The following CHD9 variants were observed in gnomAD, a reference collection of about 807,000 sequenced individuals.
CHD9 encodes the protein ATP-dependent chromatin remodeler CHD9.
In CHD9, 77 loss-of-function variants were observed where a neutral mutation model predicts 316.1. The ratio of observed to expected loss-of-function variants is 0.24; its 90% CI spans 0.20 to 0.29. The LOEUF (loss-of-function observed/expected upper bound fraction) is 0.29. Among genes scored for constraint, CHD9 ranks in the 10% least tolerant of loss-of-function variants. CHD9 has a pLI of 1.00. For synonymous variants in CHD9, 1,129 were observed against 1,158.3 expected, an observed-to-expected ratio of 0.97 and a Z score of 0.51; for missense variants, 2,763 against 3,438.1, an observed-to-expected ratio of 0.80 and a Z score of 4.91.
intron 1 of CHD9, among the ~76,000 whole-genome samples, chr16:53,140,167 A>G (rs1176812719): frequency 6.6e-6 from 1 of 151,906 alleles, no homozygotes; most frequent in African/African-American, 2.4e-5. Context: ...CATTAGAATA[A>G]ATATTTAGGC....
chr16:53,057,140 A>G (rs1210803591), intron 1 of CHD9, among the ~76,000 whole-genome samples: 1 of 152,050 alleles, frequency 6.6e-6, no homozygotes, highest in Non-Finnish European at 1.5e-5. Context: ...GTAAGACCCT[A>G]TATCTTTATT....
At chr16:53,219,029 G>A (rs188753849) in intron 3 of CHD9, among the ~76,000 whole-genome samples, 23 of 152,248 alleles carry the variant, frequency 1.5e-4, no homozygotes, top group African/African-American at 5.5e-4. Flanking sequence ...GAGGCGGTTC[G>A]TACTGGGAGA....
At chr16:53,261,189 AAC>A (rs932050368) in intron 19 of CHD9, among the ~76,000 whole-genome samples, 30 of 151,992 alleles carry the variant, frequency 2.0e-4, no homozygotes, top group African/African-American at 7.2e-4. Flanking sequence ...TACATTTTGA[AAC>A]ACAGTATTTA....
At chr16:53,309,615 A>G (rs2056291170) in intron 34 of CHD9, among the ~76,000 whole-genome samples, 1 of 152,078 alleles carries the variant, frequency 6.6e-6, no homozygotes. Flanking sequence ...TGCATTAGAC[A>G]TTGGTTTTAG....
chr16:53,183,836 G>C (rs566532151), intron 2 of CHD9, among the ~76,000 whole-genome samples: 4 of 152,102 alleles, frequency 2.6e-5, no homozygotes, highest in African/African-American at 9.7e-5. Context: ...ATGTAACCTT[G>C]GGCATGTTTG....
intron 1 of CHD9, among the ~76,000 whole-genome samples, chr16:53,082,997 T>C (rs1243091150): frequency 6.6e-6 from 1 of 152,244 alleles, no homozygotes; most frequent in Non-Finnish European, 1.5e-5. Context: ...TATGATTGTG[T>C]CTTCCTTGTT....
At chr16:53,161,372 GTA>G (rs754387494) in intron 2 of CHD9, among the ~76,000 whole-genome samples, 10 of 152,122 alleles carry the variant, frequency 6.6e-5, no homozygotes, top group Non-Finnish European at 1.3e-4. Flanking sequence ...TGCATGTTCT[GTA>G]TAGTTATGGT....
intron 2 of CHD9, among the ~76,000 whole-genome samples, chr16:53,201,827 T>TG (rs2152850129): frequency 1.3e-5 from 2 of 151,762 alleles, no homozygotes; most frequent in East Asian, 3.9e-4. Context: ...GGCAAAAATT[T>TG]GGGGGGATCA....
chr16:53,137,252 G>A lies in CHD9; in HGVS notation c.-164-18674G>A, dbSNP rs2039790119. ...CTCCCAAAGTGTTGGGATTACAGGT[G>A]TGAGCCACCGTGCCTGGCCTAATCT... On this transcript the variant is annotated intron_variant, in intron 1 of 38. Transcript: ENST00000447540. Among the ~76,000 whole-genome samples, 4 of 152,156 alleles carry A rather than the reference G, an allele frequency of 2.6e-5. No homozygotes were observed. In the South Asian group the frequency reaches 8.3e-4, roughly 32 times the overall value.
At chr16:53,066,829 A>G (rs1408569491) in intron 1 of CHD9, among the ~76,000 whole-genome samples, 1 of 152,214 alleles carries the variant, frequency 6.6e-6, no homozygotes, top group Admixed American at 6.5e-5. Flanking sequence ...GATGTGACTC[A>G]GGAATTTGTT....
chr16:53,271,573 G>GA (rs892200713), intron 22 of CHD9, among the ~76,000 whole-genome samples: 48 of 102,734 alleles, frequency 4.7e-4, no homozygotes, highest in African/African-American at 6.9e-4. Context: ...TGTCTCAGAA[G>GA]AAAAAAAAAA....
intron 27 of CHD9, among the ~76,000 whole-genome samples, chr16:53,290,580 G>A: frequency 6.6e-6 from 1 of 151,950 alleles, no homozygotes; most frequent in East Asian, 1.9e-4. Flanking sequence ...CTTGAGCCCA[G>A]GAGTTCAAGG....
chr16:53,160,518 GT>G (rs908290365), intron 2 of CHD9, among the ~76,000 whole-genome samples: 8 of 149,072 alleles, frequency 5.4e-5, no homozygotes, highest in African/African-American at 7.3e-5. Flanking sequence ...TTTTGTTTCA[GT>G]TTTTTTTTTC....
chr16:53,296,790 A>C (rs2054851399), intron 29 of CHD9, among the ~76,000 whole-genome samples, 166 bp from the exon 30 acceptor site: 1 of 152,166 alleles, frequency 6.6e-6, no homozygotes, highest in Non-Finnish European at 1.5e-5. Flanking sequence ...TGGATAGATG[A>C]GTTAACTAGC....
chr16:53,138,754 C>T (rs769962419), intron 1 of CHD9, among the ~76,000 whole-genome samples: 1 of 152,024 alleles, frequency 6.6e-6, no homozygotes, highest in African/African-American at 2.4e-5. Context: ...AGGTTAGTTA[C>T]CTTTGAAAGT....
chr16:53,274,954 G>A (rs1022352042), intron 24 of CHD9, among the ~76,000 whole-genome samples: 3 of 152,258 alleles, frequency 2.0e-5, no homozygotes, highest in Admixed American at 1.3e-4. Context: ...CGTAACAATA[G>A]TAGTAGTAAT....
chr16:53,155,144 T>C (rs559126729), intron 1 of CHD9, among the ~76,000 whole-genome samples: 1 of 152,344 alleles, frequency 6.6e-6, no homozygotes, highest in South Asian at 2.1e-4. Context: ...TAACTTCACC[T>C]ACTTAATTTT....
intron 1 of CHD9, chr16:53,099,238 C>T (rs1370345305): frequency 6.6e-6 from 1 of 152,230 alleles, no homozygotes. Flanking sequence ...GAAAGGAGGC[C>T]CCTGCCGTGT....
At chr16:53,291,660 T>C in intron 27 of CHD9, 65 bp from the exon 28 acceptor site, 1 of 1,108,002 alleles carries the variant, frequency 9.0e-7, no homozygotes, top group South Asian at 1.5e-5. Context: ...TTTGATTCTC[T>C]TTTCTTTTTT....
Sources: allele counts gnomAD v4.1 joint callset (sites outside exome capture counted in the v4.1 genomes callset), GRCh38; gene constraint gnomAD v4.1.1; transcripts MANE v1.5; gene names NCBI Gene and HGNC (gene_info 2026-07-23, HGNC 2026-07-21).